Variants in DCBLD2 observed in about 807,000 individuals in gnomAD.
The protein encoded by DCBLD2 is discoidin, CUB and LCCL domain-containing protein 2.
DCBLD2 carries 54 observed loss-of-function variants against 86.8 expected under a neutral mutation model. The observed-to-expected ratio is 0.62, with a 90% CI of 0.50 to 0.78. The LOEUF (loss-of-function observed/expected upper bound fraction) is 0.78. Ranked by LOEUF, DCBLD2 falls within the 30% of genes least tolerant of loss-of-function variation. DCBLD2 has a pLI of 0.00. For synonymous variants in DCBLD2, 354 were observed against 341.3 expected (o/e 1.04, Z -0.41); for missense variants, 908 against 954.2 (o/e 0.95, Z 0.64).
chr3:98,851,900 G>A (rs1205182807), intron 2 of DCBLD2, among the ~76,000 whole-genome samples: 2 of 152,120 alleles, frequency 1.3e-5, no homozygotes, highest in Non-Finnish European at 2.9e-5. Flanking sequence ...AACTGAAACT[G>A]GGCCCCTTCC....
chr3:98,876,411 G>GAAAAA (rs1488329797), intron 2 of DCBLD2, among the ~76,000 whole-genome samples: 1 of 2,336 alleles, frequency 4.3e-4, no homozygotes, highest in African/African-American at 1.9e-3. Flanking sequence ...GAGATAAAAA[G>GAAAAA]TAAAAAAAAA....
rs375194034 is a variant in DCBLD2 at position 98,799,348 on chromosome 3, G to A, written c.*24C>T. ...AAAAGGCCATGTGCTTTAAAACGAT[G>A]CTTTGTAAAAAGCAGCATCATCTTC... On this transcript the variant is annotated 3_prime_UTR_variant, in exon 16 of 16. Coordinates refer to ENST00000326840, the MANE Select transcript of DCBLD2 (RefSeq NM_080927.4). 37 of 1,564,004 alleles carry A rather than the reference G, an allele frequency of 2.4e-5. No homozygotes were observed. Among genetic ancestry groups the A allele is most frequent in the Non-Finnish European group, 3.1e-5 (36 of 1,155,766 alleles).
At chr3:98,848,096 T>C (rs1247326638) in intron 3 of DCBLD2, among the ~76,000 whole-genome samples, 1 of 152,172 alleles carries the variant, frequency 6.6e-6, no homozygotes, top group Non-Finnish European at 1.5e-5. Flanking sequence ...CTGGTATCCA[T>C]TAGTTATTTT....
intron 1 of DCBLD2, among the ~76,000 whole-genome samples, chr3:98,896,144 G>A (rs556401959): frequency 6.6e-5 from 10 of 152,348 alleles, no homozygotes; most frequent in African/African-American, 2.2e-4. Flanking sequence ...CAGGGTGCAC[G>A]TTCAGCTGGT....
Position 98,827,943 on chromosome 3 carries a change from T to A in DCBLD2, c.572-2577A>T, listed in dbSNP as rs192954813. Among the ~76,000 whole-genome samples the A allele has an allele frequency of 8.5e-5, 13 of 152,232 alleles. No homozygotes were observed. In the East Asian group the frequency reaches 2.3e-3, roughly 27 times the overall value. On this transcript the variant is annotated intron_variant, in intron 3 of 15. Coordinates refer to ENST00000326840, the MANE Select transcript of DCBLD2 (RefSeq NM_080927.4). The stretch of plus-strand genomic sequence containing the variant: ...ACCCTCAAATTTATAGTCAACTGAG[T>A]TTCAGCAAGGGTGCCTAGACAATTC...
In DCBLD2 at chr3:98,811,204, A is replaced by G. The variant is rs750480580; in HGVS notation, c.1566T>C (p.Asn522=). ...TCCATGTTTGCATACCTTTGGTTAC[A>G]TTTGGAGTTACGGTAGTATTTCTGA... The part of the protein sequence containing the change: ...PDIRNTTVTP[N]VTKDVALAAV... Residue 522 remains asparagine, a synonymous_variant, in exon 12 of 16, where the codon AAT becomes AAC. Coordinates refer to ENST00000326840, the MANE Select transcript of DCBLD2 (RefSeq NM_080927.4). The G allele has an allele frequency of 6.2e-7, 1 of 1,605,920 alleles. No homozygotes were observed. The highest frequency in any genetic ancestry group is 1.1e-5 in the South Asian group (1 of 89,020).
intron 2 of DCBLD2, among the ~76,000 whole-genome samples, chr3:98,874,228 T>C (rs1342474300): frequency 6.6e-6 from 1 of 152,210 alleles, no homozygotes; most frequent in African/African-American, 2.4e-5. Flanking sequence ...ACTTCATATT[T>C]CTTTTTATTT....
intron 2 of DCBLD2, among the ~76,000 whole-genome samples, chr3:98,870,757 G>GAAAAGAAAGAAAGAAAGAAAGAAAGAA (rs71124008): frequency 1.8e-5 from 2 of 111,438 alleles, no homozygotes; most frequent in African/African-American, 7.0e-5. Flanking sequence ...AAGAAAGAAA[G>GAAAAGAAAGAAAGAAAGAAAGAAAGAA]AAAGAAAGAA....
chr3:98,864,096 G>A (rs1008419955), intron 2 of DCBLD2, among the ~76,000 whole-genome samples: 1 of 151,928 alleles, frequency 6.6e-6, no homozygotes, highest in Non-Finnish European at 1.5e-5. Context: ...AAAAGACACA[G>A]AAAAAAATGC....
intron 3 of DCBLD2, 103 bp downstream of exon 3, chr3:98,849,358 C>G (rs1382571443): frequency 7.0e-7 from 1 of 1,426,984 alleles, no homozygotes; most frequent in East Asian, 2.3e-5. Context: ...TTCAGTCTTT[C>G]TGCTCTATTC....
chr3:98,821,304 G>A (rs1942115073), intron 6 of DCBLD2: 1 of 152,188 alleles, frequency 6.6e-6, no homozygotes, highest in African/African-American at 2.4e-5. Context: ...CTGAAAGACT[G>A]AGCAGATCTA....
At chr3:98,801,543 C>T in intron 14 of DCBLD2, 57 bp downstream of exon 14, 4 of 1,441,794 alleles carry the variant, frequency 2.8e-6, no homozygotes, top group Non-Finnish European at 3.8e-6. Flanking sequence ...CTACTGCCCC[C>T]TGTAGGGGAG....
At chr3:98,840,324 AAG>A (rs895680941) in intron 3 of DCBLD2, among the ~76,000 whole-genome samples, 4 of 152,188 alleles carry the variant, frequency 2.6e-5, no homozygotes, top group Non-Finnish European at 4.4e-5. Flanking sequence ...GCTTGAGAAA[AAG>A]AGAGGAGTCA....
At chr3:98,870,894 T>A (rs1943270760) in intron 2 of DCBLD2, among the ~76,000 whole-genome samples, 1 of 152,088 alleles carries the variant, frequency 6.6e-6, no homozygotes, top group Admixed American at 6.6e-5. Flanking sequence ...ATTTTCACAA[T>A]ATTGATTCTT....
rs933942886 is a variant in DCBLD2, at chr3:98,828,235, A to G, written c.572-2869T>C. On this transcript the variant is annotated intron_variant, in intron 3 of 15. Transcript: ENST00000326840. ...GTTCATCAAGATTAAAAACTTTTGT[A>G]CTTCACAGGACACCATTAAGAAAGA... Among the ~76,000 whole-genome samples the G allele has an allele frequency of 7.2e-5, 11 of 152,310 alleles. No individual in the cohort carries two copies. The South Asian group carries it at 1.9e-3, about 26-fold the overall frequency.
At position 98,865,891 on chromosome 3, in the gene DCBLD2, G is replaced by C. The variant is rs148569558; in HGVS notation, c.433+15649C>G. ...CACCCCATGACAGGCACCGGTGTGT[G>C]ATGTTCCCCTTCCTGTGTCCAACTG... On this transcript the variant is annotated intron_variant, in intron 2 of 15. Transcript: ENST00000326840. Among the ~76,000 whole-genome samples, 975 of 130,248 alleles carry C rather than the reference G, an allele frequency of 7.5e-3. 8 individuals carry two copies. The highest frequency in any genetic ancestry group is 0.022 in the African/African-American group (722 of 33,564). The allele number at this position is 130,248 out of a possible 152,430, so 85.4% of individuals were successfully genotyped here.
chr3:98,901,235 G>T lies in DCBLD2; in HGVS notation c.92C>A (p.Pro31His). The T allele has an allele frequency of 6.5e-7, 1 of 1,534,840 alleles. No homozygotes were observed. Among genetic ancestry groups the T allele is most frequent in the Non-Finnish European group, 8.7e-7 (1 of 1,146,504 alleles). Residue 31 changes from proline to histidine, a missense_variant, in exon 1 of 16, where the codon CCC becomes CAC. By Grantham distance (77) the Pro-to-His change is moderately conservative (BLOSUM62 -2). Around this residue, in one of 3 missense-constraint regions of DCBLD2, gnomAD observed 294 missense variants for 256.0 expected, o/e 1.15. Transcript: ENST00000326840. Reference sequence around the variant, plus strand: ...GCAGGGAGGGAGGGAGCGGGAGAGGGGGAGCGCGGCCCAGGCGGGGGCGGC... The same window carrying T: ...GCAGGGAGGGAGGGAGCGGGAGAGGTGGAGCGCGGCCCAGGCGGGGGCGGC... ...AAAAPAWAAL[P>H]LSRSLPPCSN...
rs1017290491 is a variant in DCBLD2, at chr3:98,901,647, G to A, written c.-321C>T. The A allele has an allele frequency of 2.5e-5, 5 of 202,606 alleles. No homozygotes were observed. The highest frequency in any genetic ancestry group is 3.9e-5 in the Non-Finnish European group (4 of 101,344). The allele number at this position is 202,606 out of a possible 1,614,324, so 12.6% of individuals were successfully genotyped here. The stretch of plus-strand genomic sequence containing the variant: ...CCGCGCCGCGCTCCTCACCAGGGTC[G>A]CCGCTCGCCGCGCTCACCCGCGGCT... On this transcript the variant is annotated 5_prime_UTR_variant, in exon 1 of 16. Transcript: ENST00000326840.
chr3:98,832,746 A>T (rs1942346436), intron 3 of DCBLD2, among the ~76,000 whole-genome samples: 1 of 152,176 alleles, frequency 6.6e-6, no homozygotes, highest in South Asian at 2.1e-4. Flanking sequence ...TCCTTTAAGA[A>T]TGTCAAATAT....
Sources: gnomAD v4.1 joint callset for allele counts (sites outside exome capture counted in the v4.1 genomes callset) on GRCh38, gnomAD v4.1.1 for gene constraint, gnomAD v4.1.1 regional missense constraint, MANE v1.5 for transcripts, NCBI Gene and HGNC (gene_info 2026-07-23, HGNC 2026-07-21) for gene names.